STK39: variants seen among roughly 807,000 people sequenced by gnomAD.
STK39 encodes serine/threonine kinase 39.
Under a neutral mutation model 77.8 loss-of-function variants are expected in STK39, and 20 were observed. The observed-to-expected ratio is 0.26, with a 90% CI of 0.18 to 0.37. The LOEUF (loss-of-function observed/expected upper bound fraction) is 0.37. STK39 is among the 10% of genes least tolerant of loss of function. The pLI is 1.00. For missense variants in STK39, 479 were observed against 656.5 expected (o/e 0.73, Z 2.95); for synonymous variants, 246 against 234.1 (o/e 1.05, Z -0.47).
chr2:168,046,170 A>ATCCTGG (rs1302296120), intron 14 of STK39, among the ~76,000 whole-genome samples: 1 of 152,072 alleles, frequency 6.6e-6, no homozygotes, highest in African/African-American at 2.4e-5. Context: ...GATCGAGACC[A>ATCCTGG]TCCTGGCCAA....
At chr2:167,972,368 T>C (rs1351998173) in intron 16 of STK39, among the ~76,000 whole-genome samples, 1 of 152,204 alleles carries the variant, frequency 6.6e-6, no homozygotes, top group Non-Finnish European at 1.5e-5. Context: ...GAGGGGTATC[T>C]TAGGATAAAA....
In STK39 at chr2:168,247,065, A is replaced by ATT. The variant is rs1558896626; in HGVS notation, c.208+162_208+163insAA. Among the ~76,000 whole-genome samples the ATT allele has an allele frequency of 2.1e-4, 27 of 127,680 alleles. No individual in the cohort carries two copies. The South Asian group carries it at 3.5e-3, about 17-fold the overall frequency. 83.8% of individuals were successfully genotyped at this position (127,680 alleles called of 152,430 possible). ...ACGAACAAATACATTAAAAATTAAA[A>ATT]AAAAAAAAAAAAAAAAAAAAAAAAC... On this transcript the variant is annotated intron_variant, in intron 1 of 17. Coordinates refer to ENST00000355999, the MANE Select transcript of STK39 (RefSeq NM_013233.3).
intron 1 of STK39, among the ~76,000 whole-genome samples, chr2:168,213,774 TTA>T (rs1689954432): frequency 6.6e-6 from 1 of 152,106 alleles, no homozygotes; most frequent in Non-Finnish European, 1.5e-5. Flanking sequence ...GGGGGAATGT[TTA>T]TATGTTTTTA....
At chr2:168,130,340 C>T (rs557193157) in intron 8 of STK39, among the ~76,000 whole-genome samples, 3 of 152,296 alleles carry the variant, frequency 2.0e-5, no homozygotes, top group Admixed American at 1.3e-4. Flanking sequence ...TGATTATTTC[C>T]TCATGGTGTC....
chr2:168,188,844 C>T (rs763104218), intron 1 of STK39, among the ~76,000 whole-genome samples: 5 of 152,186 alleles, frequency 3.3e-5, no homozygotes, highest in Admixed American at 6.5e-5. Context: ...ACTTGCCCTA[C>T]GCATTAATTT....
chr2:168,242,585 A>G (rs1314910891), intron 1 of STK39, among the ~76,000 whole-genome samples: 23 of 122,342 alleles, frequency 1.9e-4, no homozygotes, highest in African/African-American at 7.1e-4. Flanking sequence ...ATATATATAT[A>G]TATATATATA....
intron 16 of STK39, among the ~76,000 whole-genome samples, chr2:167,973,160 T>C (rs10195434): frequency 0.51 from 77,176 of 152,068 alleles, 20,445 homozygotes; most frequent in Non-Finnish European, 0.56. Context: ...GTCAGAAAAG[T>C]AAAAACTGTA....
intron 10 of STK39, among the ~76,000 whole-genome samples, chr2:168,091,086 T>A (rs1350119233): frequency 6.6e-6 from 1 of 151,980 alleles, no homozygotes; most frequent in Non-Finnish European, 1.5e-5. Context: ...ATCAACTCAT[T>A]TCACTATCAT....
intron 10 of STK39, among the ~76,000 whole-genome samples, chr2:168,094,331 T>G (rs1350600381): frequency 6.6e-6 from 1 of 152,130 alleles, no homozygotes; most frequent in Non-Finnish European, 1.5e-5. Flanking sequence ...AAATGAAAAG[T>G]TGTCTTTGTG....
intron 1 of STK39, among the ~76,000 whole-genome samples, chr2:168,213,418 A>G (rs1272715778): frequency 2.0e-5 from 3 of 152,204 alleles, no homozygotes; most frequent in Non-Finnish European, 2.9e-5. Context: ...ACTTTCTATT[A>G]CAAAACTTCA....
At chr2:168,201,933 CA>C (rs1392474524) in intron 1 of STK39, among the ~76,000 whole-genome samples, 1 of 152,200 alleles carries the variant, frequency 6.6e-6, no homozygotes, top group Non-Finnish European at 1.5e-5. Context: ...AAAGCAAGAA[CA>C]AAGAACAGCT....
intron 1 of STK39, among the ~76,000 whole-genome samples, chr2:168,222,166 C>T (rs961321938): frequency 9.2e-5 from 14 of 152,148 alleles, no homozygotes; most frequent in African/African-American, 3.4e-4. Context: ...GAGCGAAACC[C>T]TACAGTGTTT....
intron 14 of STK39, among the ~76,000 whole-genome samples, chr2:168,056,687 T>G (rs1685535949): frequency 6.6e-6 from 1 of 152,198 alleles, no homozygotes; most frequent in African/African-American, 2.4e-5. Flanking sequence ...TATGCAGGCG[T>G]ATATGTGTGT....
chr2:168,148,326 C>T (rs1401143122), intron 5 of STK39, among the ~76,000 whole-genome samples: 1 of 152,156 alleles, frequency 6.6e-6, no homozygotes, highest in Non-Finnish European at 1.5e-5. Context: ...GACCTCTGGG[C>T]ACTGAAAGCC....
chr2:168,113,890 C>T (rs1179542302), intron 10 of STK39, among the ~76,000 whole-genome samples: 1 of 152,114 alleles, frequency 6.6e-6, no homozygotes, highest in Non-Finnish European at 1.5e-5. Context: ...AGGAGAGACC[C>T]CATAGAAATA....
intron 2 of STK39, among the ~76,000 whole-genome samples, chr2:168,180,261 C>T (rs775396749): frequency 1.3e-5 from 2 of 152,080 alleles, no homozygotes; most frequent in South Asian, 2.1e-4. Flanking sequence ...GCAGGAGAAT[C>T]GCTTGAACCC....
At chr2:168,109,067 CAG>C (rs1275170903) in intron 10 of STK39, among the ~76,000 whole-genome samples, 2 of 152,152 alleles carry the variant, frequency 1.3e-5, no homozygotes, top group Non-Finnish European at 1.5e-5. Flanking sequence ...CTCTACTGAA[CAG>C]AGTGTCATGA....
intron 1 of STK39, among the ~76,000 whole-genome samples, chr2:168,186,397 A>T (rs1310242927): frequency 6.6e-6 from 1 of 152,236 alleles, no homozygotes; most frequent in African/African-American, 2.4e-5. Context: ...GTTCAAAGTC[A>T]TTCTTCCACT....
In STK39 at chr2:168,247,454, A is replaced by G. The variant is rs1339975131; in HGVS notation, c.-19T>C. 1.5e-6 allele frequency: 2 copies of G among 1,304,170 alleles called. No homozygotes were observed. Among genetic ancestry groups the G allele is most frequent in the East Asian group, 3.7e-5 (1 of 27,196 alleles). 80.8% of individuals were successfully genotyped at this position (1,304,170 alleles called of 1,614,324 possible). The stretch of plus-strand genomic sequence containing the variant: ...CCGCCATGATGCTGCGGAGGAGAGC[A>G]GGAGGACGCGCCGGCCGACGGACGA... On this transcript the variant is annotated 5_prime_UTR_variant, in exon 1 of 18. Coordinates refer to ENST00000355999, the MANE Select transcript of STK39 (RefSeq NM_013233.3).
Sources: gnomAD v4.1 joint callset for allele counts (sites outside exome capture counted in the v4.1 genomes callset) on GRCh38, gnomAD v4.1.1 for gene constraint, MANE v1.5 for transcripts, NCBI Gene and HGNC (gene_info 2026-07-23, HGNC 2026-07-21) for gene names.